The following ATRNL1 variants were observed in gnomAD, a reference collection of about 807,000 sequenced individuals.
ATRNL1 encodes the protein attractin like 1.
Under a neutral mutation model 182.7 loss-of-function variants are expected in ATRNL1, and 95 were observed. The ratio of observed to expected loss-of-function variants is 0.52; its 90% CI spans 0.44 to 0.62. The LOEUF is 0.62. Ranked by LOEUF, ATRNL1 falls within the 20% of genes least tolerant of loss-of-function variation. The probability of loss-of-function intolerance (pLI) is 0.00; values close to 1 mark genes in which losing one functional copy is unlikely to be tolerated. For synonymous variants in ATRNL1, 576 were observed against 568.3 expected, an observed-to-expected ratio of 1.01 and a Z score of -0.19; for missense variants, 1,471 against 1,679.5, an observed-to-expected ratio of 0.88 and a Z score of 2.17.
chr10:115,509,350 C>T (rs566732328), intron 24 of ATRNL1, among the ~76,000 whole-genome samples: 149 of 152,120 alleles, frequency 9.8e-4, no homozygotes, highest in Middle Eastern at 6.8e-3. Flanking sequence ...CCACCAAAAT[C>T]TCATGTTCAG....
intron 22 of ATRNL1, among the ~76,000 whole-genome samples, chr10:115,464,070 TC>T (rs1223973500): frequency 2.6e-5 from 4 of 152,044 alleles, no homozygotes; most frequent in African/African-American, 9.7e-5. Context: ...CTTTCCAATG[TC>T]CCAGCTTTGT....
At chr10:115,141,359 T>G (rs1554878007) in intron 5 of ATRNL1, among the ~76,000 whole-genome samples, 2 of 152,172 alleles carry the variant, frequency 1.3e-5, no homozygotes, top group African/African-American at 2.4e-5. Context: ...TTTGAACATT[T>G]TTTAAAATGT....
chr10:115,676,499 A>T (rs782020237), intron 26 of ATRNL1, among the ~76,000 whole-genome samples: 1 of 151,976 alleles, frequency 6.6e-6, no homozygotes, highest in Non-Finnish European at 1.5e-5. Flanking sequence ...AAAATAGCAG[A>T]TTAGTTATAT....
At chr10:115,621,254 A>AATATATATATATATATATATATATAT (rs781830067) in intron 26 of ATRNL1, among the ~76,000 whole-genome samples, 1 of 71,308 alleles carries the variant, frequency 1.4e-5, no homozygotes, top group African/African-American at 7.1e-5. Context: ...TTGAGCTCTG[A>AATATATATATATATATATATATATAT]ATATATATAT....
chr10:115,413,781 C>A (rs1461351472), intron 20 of ATRNL1, among the ~76,000 whole-genome samples: 2 of 152,012 alleles, frequency 1.3e-5, no homozygotes, highest in Non-Finnish European at 2.9e-5. Context: ...CCTTTTGGAG[C>A]TCTAGTTCCT....
At chr10:115,797,417 C>T (rs1323820016) in intron 27 of ATRNL1, among the ~76,000 whole-genome samples, 1 of 152,048 alleles carries the variant, frequency 6.6e-6, no homozygotes, top group African/African-American at 2.4e-5. Flanking sequence ...CAGGTATCAA[C>T]TTTTATAGGC....
chr10:115,376,768 T>C (rs1265225033), intron 19 of ATRNL1, among the ~76,000 whole-genome samples: 1 of 152,210 alleles, frequency 6.6e-6, no homozygotes, highest in Non-Finnish European at 1.5e-5. Context: ...CTTCCCAATA[T>C]TTGGGAAGTT....
chr10:115,588,671 G>C (rs550335844), intron 26 of ATRNL1, among the ~76,000 whole-genome samples: 1 of 152,292 alleles, frequency 6.6e-6, no homozygotes, highest in East Asian at 1.9e-4. Flanking sequence ...GGTAGGGTTT[G>C]TGTGTGAGTG....
At chr10:115,629,493 G>A (rs973070576) in intron 26 of ATRNL1, among the ~76,000 whole-genome samples, 6 of 152,088 alleles carry the variant, frequency 3.9e-5, no homozygotes, top group African/African-American at 9.7e-5. Flanking sequence ...GAGTCCCCAG[G>A]AGAGGTTACT....
At chr10:115,709,028 C>T (rs1946983134) in intron 26 of ATRNL1, among the ~76,000 whole-genome samples, 1 of 151,730 alleles carries the variant, frequency 6.6e-6, no homozygotes, top group African/African-American at 2.4e-5. Context: ...ACAACAGTGG[C>T]ATCAGTAGAC....
chr10:115,177,873 G>GTT lies in ATRNL1; in HGVS notation c.1348+6595_1348+6596dup, dbSNP rs34650029. ...ACAAATAAATCAGGAAGGGAGCTGT[G>GTT]TTTTTTTTTTTTTTTGGTTTTGTTT... On this transcript the variant is annotated intron_variant, in intron 8 of 28. Transcript: ENST00000355044. Among the ~76,000 whole-genome samples the GTT allele has an allele frequency of 2.5e-3, 237 of 94,014 alleles. 1 individual carries two copies. The highest frequency in any genetic ancestry group is 7.7e-3 in the Middle Eastern group (1 of 130). 61.7% of individuals were successfully genotyped at this position (94,014 alleles called of 152,430 possible).
At chr10:115,202,814 T>C (rs1848639055) in intron 8 of ATRNL1, among the ~76,000 whole-genome samples, 2 of 147,332 alleles carry the variant, frequency 1.4e-5, no homozygotes, top group Admixed American at 1.4e-4. Flanking sequence ...ATGGTACCAG[T>C]TCCTCCTTGT....
intron 5 of ATRNL1, among the ~76,000 whole-genome samples, chr10:115,148,744 G>GTTTT (rs71010009): frequency 3.0e-3 from 352 of 116,692 alleles, no homozygotes; most frequent in Non-Finnish European, 3.9e-3. Flanking sequence ...GGCCAGATGC[G>GTTTT]TTTTTTTTTT....
At chr10:115,367,434 A>C (rs1223517581) in intron 19 of ATRNL1, among the ~76,000 whole-genome samples, 8 of 142,592 alleles carry the variant, frequency 5.6e-5, no homozygotes, top group East Asian at 2.0e-4. Flanking sequence ...ATTTTTTTCA[A>C]AGTTTTCAAC....
intron 26 of ATRNL1, among the ~76,000 whole-genome samples, chr10:115,605,739 G>A (rs1336782334): frequency 6.6e-6 from 1 of 151,788 alleles, no homozygotes; most frequent in Non-Finnish European, 1.5e-5. Context: ...AAATATCAGT[G>A]ACTCTCATTC....
chr10:115,322,680 C>A (rs1364193966), intron 18 of ATRNL1, among the ~76,000 whole-genome samples: 3 of 151,976 alleles, frequency 2.0e-5, no homozygotes, highest in African/African-American at 7.2e-5. Flanking sequence ...GTATGGCTGG[C>A]CTTCTAGCAT....
At chr10:115,256,824 C>T (rs1404043830) in intron 10 of ATRNL1, among the ~76,000 whole-genome samples, 3 of 152,170 alleles carry the variant, frequency 2.0e-5, no homozygotes, top group African/African-American at 7.2e-5. Context: ...CCCAGAGATT[C>T]TGGTATATTG....
At chr10:115,677,359 T>A (rs1399016927) in intron 26 of ATRNL1, among the ~76,000 whole-genome samples, 2 of 152,048 alleles carry the variant, frequency 1.3e-5, no homozygotes, top group African/African-American at 4.8e-5. Context: ...AGTTACTGCA[T>A]GAGAGCCACC....
chr10:115,923,839 A>C (rs1953140097), intron 28 of ATRNL1, among the ~76,000 whole-genome samples: 1 of 152,216 alleles, frequency 6.6e-6, no homozygotes, highest in Non-Finnish European at 1.5e-5. Context: ...ACTGTCTTCC[A>C]CAATGGTTGA....
Sources: allele counts gnomAD v4.1 joint callset (sites outside exome capture counted in the v4.1 genomes callset), GRCh38; gene constraint gnomAD v4.1.1; transcripts MANE v1.5; gene names NCBI Gene and HGNC (gene_info 2026-07-23, HGNC 2026-07-21).